LNX1: variants seen among roughly 807,000 people sequenced by gnomAD.
The protein encoded by LNX1 is E3 ubiquitin-protein ligase LNX.
Under a neutral mutation model 68.4 loss-of-function variants are expected in LNX1, and 54 were observed. The ratio of observed to expected loss-of-function variants is 0.79; its 90% CI spans 0.63 to 0.99. The LOEUF (loss-of-function observed/expected upper bound fraction) is 0.99. Among genes scored for constraint, LNX1 ranks in the 50% least tolerant of loss-of-function variants. The probability of loss-of-function intolerance (pLI) is 0.00; values close to 1 mark genes in which losing one functional copy is unlikely to be tolerated. For missense variants in LNX1, 906 were observed against 926.4 expected (o/e 0.98, Z 0.29); for synonymous variants, 336 against 350.0 (o/e 0.96, Z 0.45).
rs1363750901 is a variant in LNX1 at position 53,460,235 on chromosome 4, T to TAACG, written c.*668_*671dup. ...GCAGCATGAGTTTTTATACAGTTAC[T>TAACG]AACGATTGTGGAAAAAAAGAGCTTT... is the stretch of plus-strand genomic sequence containing the variant. On this transcript the variant is annotated 3_prime_UTR_variant, in exon 11 of 11. Coordinates refer to ENST00000263925, the MANE Select transcript of LNX1 (RefSeq NM_001126328.3). 5.2e-6 allele frequency: 1 copy of TAACG among 193,476 alleles called. No homozygotes were observed. Among genetic ancestry groups the TAACG allele is most frequent in the East Asian group, 8.1e-5 (1 of 12,304 alleles). 12.0% of individuals were successfully genotyped at this position (193,476 alleles called of 1,614,324 possible). A position where few individuals can be genotyped will look rare whatever the true frequency, so the allele number is the denominator to read the frequency against.
chr4:53,537,338 CT>C (rs1728446793), intron 2 of LNX1, among the ~76,000 whole-genome samples: 1 of 152,152 alleles, frequency 6.6e-6, no homozygotes, highest in African/African-American at 2.4e-5. Context: ...TGGGTCCACC[CT>C]TTCTTAATTG....
chr4:53,593,692 G>C (rs1441488038), upstream of LNX1, among the ~76,000 whole-genome samples: 1 of 151,966 alleles, frequency 6.6e-6, no homozygotes, highest in African/African-American at 2.4e-5. Flanking sequence ...GGCCATTAGG[G>C]CTGTTACATT....
At chr4:53,576,331 G>A in intron 1 of LNX1, 1 of 1,610,628 alleles carries the variant, frequency 6.2e-7, no homozygotes, top group African/African-American at 1.3e-5. Flanking sequence ...CGTGGCCCTG[G>A]TCCTAAAGGA....
At chr4:53,650,940 C>T (rs1187140981) in intron 1 of LNX1, among the ~76,000 whole-genome samples, 1 of 152,170 alleles carries the variant, frequency 6.6e-6, no homozygotes, top group Non-Finnish European at 1.5e-5. Context: ...AGTTGTTATG[C>T]ACCAGGAAAG....
At chr4:53,539,096 A>G (rs1419677440) in intron 2 of LNX1, 2 of 152,184 alleles carry the variant, frequency 1.3e-5, no homozygotes, top group African/African-American at 4.8e-5. Flanking sequence ...CCTTTAGGTT[A>G]AATTTCCTGG....
chr4:53,590,693 C>T (rs1466907084), intron 1 of LNX1, among the ~76,000 whole-genome samples: 1 of 152,142 alleles, frequency 6.6e-6, no homozygotes, highest in Non-Finnish European at 1.5e-5. Context: ...CACATTCTTG[C>T]AGCAATGAGG....
chr4:53,606,770 G>T (rs1451297440), intron 2 of LNX1, among the ~76,000 whole-genome samples: 1 of 152,150 alleles, frequency 6.6e-6, no homozygotes, highest in Non-Finnish European at 1.5e-5. Context: ...GATCAAGTAG[G>T]CTTCATCCCT....
chr4:53,492,506 TGAGA>T lies in LNX1; in HGVS notation c.1350+3513_1350+3516del, dbSNP rs58715153. Among the ~76,000 whole-genome samples the T allele has an allele frequency of 1.5e-3, 137 of 88,994 alleles. 1 individual carries two copies. The Middle Eastern group carries it at 0.031, about 20-fold the overall frequency. The allele number at this position is 88,994 out of a possible 152,430, so 58.4% of individuals were successfully genotyped here. ...TGTCTCAGGAGGCCTCAGAGGGCTC[TGAGA>T]GAGAGAGAGAGAGAGAGAGAGAGAG... is the stretch of plus-strand genomic sequence containing the variant. On this transcript the variant is annotated intron_variant, in intron 6 of 10. Coordinates refer to ENST00000263925, the MANE Select transcript of LNX1 (RefSeq NM_001126328.3).
chr4:53,480,812 A>C (rs1723860949), intron 7 of LNX1, among the ~76,000 whole-genome samples: 1 of 152,208 alleles, frequency 6.6e-6, no homozygotes, highest in Non-Finnish European at 1.5e-5. Flanking sequence ...AGCTATTCCA[A>C]CCAACATATA....
chr4:53,517,681 C>G (rs1168951430), intron 2 of LNX1, among the ~76,000 whole-genome samples: 2 of 152,212 alleles, frequency 1.3e-5, no homozygotes, highest in African/African-American at 4.8e-5. Flanking sequence ...AGACATTCTT[C>G]CTTGTTTGGA....
At chr4:53,527,124 C>G (rs760277168) in intron 2 of LNX1, among the ~76,000 whole-genome samples, 4 of 147,874 alleles carry the variant, frequency 2.7e-5, no homozygotes, top group Non-Finnish European at 6.0e-5. Context: ...TTAGTTACAA[C>G]TGAAATATAC....
At position 53,476,784 on chromosome 4, in the gene LNX1, G is replaced by A. The variant is rs1409716026; in HGVS notation, c.1861C>T (p.Pro621Ser). 1 of 1,614,162 alleles carries A rather than the reference G, an allele frequency of 6.2e-7. No individual in the cohort carries two copies. The highest frequency in any genetic ancestry group is 8.5e-7 in the Non-Finnish European group (1 of 1,180,008). The change falls in exon 9 of 11, where the codon CCA becomes TCA. Residue 621 changes from proline to serine, a missense_variant. By Grantham distance (74) the Pro-to-Ser change is moderately conservative. Coordinates refer to ENST00000263925, the MANE Select transcript of LNX1 (RefSeq NM_001126328.3). ...HNMAPPSDWS[P>S]SWVMWLELPR... is the part of the protein sequence containing the mutation. ...AATTCCAGCCACATGACCCAGGATGGGGACCAGTCACTGGGTGGGGCCATG... is the reference window on the plus strand; with the variant it reads ...AATTCCAGCCACATGACCCAGGATGAGGACCAGTCACTGGGTGGGGCCATG...
chr4:53,522,712 T>C (rs1727319129), intron 2 of LNX1, among the ~76,000 whole-genome samples: 1 of 152,152 alleles, frequency 6.6e-6, no homozygotes. Flanking sequence ...TCAAAAGTAA[T>C]TGAGGCTCAG....
chr4:53,565,066 G>A (rs1227885320), intron 2 of LNX1, among the ~76,000 whole-genome samples: 1 of 152,020 alleles, frequency 6.6e-6, no homozygotes, highest in Non-Finnish European at 1.5e-5. Flanking sequence ...CAGCGAGGCT[G>A]GGGGAGGGGC....
chr4:53,632,488 A>G (rs1290960028), intron 1 of LNX1, among the ~76,000 whole-genome samples: 2 of 152,188 alleles, frequency 1.3e-5, no homozygotes, highest in African/African-American at 4.8e-5. Context: ...TCAGACAATG[A>G]TCGACTGACT....
chr4:53,553,159 A>G (rs1729634253), intron 2 of LNX1, among the ~76,000 whole-genome samples: 1 of 152,218 alleles, frequency 6.6e-6, no homozygotes. Context: ...CAGAACTCAC[A>G]GGGTAGAAGT....
intron 2 of LNX1, among the ~76,000 whole-genome samples, chr4:53,509,665 TG>T (rs1726182137): frequency 6.6e-6 from 1 of 152,248 alleles, no homozygotes; most frequent in African/African-American, 2.4e-5. Flanking sequence ...AAAGTCGTCA[TG>T]GTATCTACAT....
chr4:53,615,676 A>G (rs1455842070), intron 2 of LNX1, among the ~76,000 whole-genome samples: 1 of 152,236 alleles, frequency 6.6e-6, no homozygotes, highest in Non-Finnish European at 1.5e-5. Context: ...AGTGGTTGGT[A>G]ATACAACCAT....
intron 4 of LNX1, among the ~76,000 whole-genome samples, chr4:53,500,708 G>A (rs1353995385): frequency 6.6e-6 from 1 of 152,258 alleles, no homozygotes; most frequent in East Asian, 1.9e-4. Flanking sequence ...ATAAGGCAGG[G>A]GTAAGCTGGC....
Sources: gnomAD v4.1 joint callset for allele counts (sites outside exome capture counted in the v4.1 genomes callset) on GRCh38, gnomAD v4.1.1 for gene constraint, MANE v1.5 for transcripts, NCBI Gene and HGNC (gene_info 2026-07-23, HGNC 2026-07-21) for gene names.